AFAP1: variants seen among roughly 807,000 people sequenced by gnomAD.
AFAP1 encodes the protein actin filament-associated protein 1.
Under a neutral mutation model 93.9 loss-of-function variants are expected in AFAP1, and 75 were observed. The observed-to-expected ratio is 0.80, with a 90% CI of 0.66 to 0.97. AFAP1 has a LOEUF of 0.97. AFAP1 is among the 50% of genes least tolerant of loss of function. The pLI is 0.00. For synonymous variants in AFAP1, 517 were observed against 430.7 expected (o/e 1.20, Z -2.48); for missense variants, 1,201 against 1,050.8 (o/e 1.14, Z -1.98).
At chr4:7,882,007 G>A (rs1042541000) in intron 1 of AFAP1, among the ~76,000 whole-genome samples, 3 of 152,044 alleles carry the variant, frequency 2.0e-5, no homozygotes, top group Non-Finnish European at 4.4e-5. Context: ...AACTACAACC[G>A]TCATTATTAG....
At chr4:7,886,209 G>A (rs2149201771) in intron 1 of AFAP1, among the ~76,000 whole-genome samples, 1 of 152,290 alleles carries the variant, frequency 6.6e-6, no homozygotes, top group South Asian at 2.1e-4. Flanking sequence ...TTGATTCCCA[G>A]TTCCGTAATG....
chr4:7,843,001 G>A (rs1019518285), intron 5 of AFAP1, 138 bp downstream of exon 5: 122 of 927,554 alleles, frequency 1.3e-4, no homozygotes, highest in East Asian at 1.8e-4. Context: ...ATGGTACTGC[G>A]GCTAGCTCAG....
chr4:7,881,982 C>T lies in AFAP1; in HGVS notation c.-2-9902G>A, dbSNP rs373408180. On this transcript the variant is annotated intron_variant, in intron 1 of 17. Coordinates refer to ENST00000420658, the MANE Select transcript of AFAP1 (RefSeq NM_001134647.2). ...GAGCTAACACACATGCACAGCCAAG[C>T]ATTTCATCAGTGGTAACTACAACCG... is the stretch of plus-strand genomic sequence containing the variant. Among the ~76,000 whole-genome samples the T allele has an allele frequency of 9.9e-5, 15 of 152,248 alleles. No individual in the cohort carries two copies. In the South Asian group the frequency reaches 2.9e-3, roughly 29 times the overall value.
intron 1 of AFAP1, among the ~76,000 whole-genome samples, chr4:7,926,779 C>G (rs1429105016): frequency 1.3e-5 from 2 of 152,150 alleles, no homozygotes; most frequent in Admixed American, 6.5e-5. Context: ...CTGTGTCGCC[C>G]AAGCTGGAGT....
chr4:7,867,380 T>A (rs1174442164), intron 3 of AFAP1, among the ~76,000 whole-genome samples: 2 of 152,168 alleles, frequency 1.3e-5, no homozygotes, highest in Non-Finnish European at 2.9e-5. Context: ...CCAAATCATA[T>A]GAGGAGCCTG....
At chr4:7,928,641 C>T (rs1364248663) in intron 1 of AFAP1, among the ~76,000 whole-genome samples, 1 of 152,216 alleles carries the variant, frequency 6.6e-6, no homozygotes, top group African/African-American at 2.4e-5. Context: ...CCACCTTGGC[C>T]TCCCAAAGTG....
intron 3 of AFAP1, among the ~76,000 whole-genome samples, chr4:7,864,547 C>T (rs1716195364): frequency 6.6e-6 from 1 of 152,178 alleles, no homozygotes; most frequent in Non-Finnish European, 1.5e-5. Context: ...CTCCTTGACT[C>T]ATGGAGTTGA....
chr4:7,870,848 C>A (rs1716959189), intron 2 of AFAP1, among the ~76,000 whole-genome samples: 1 of 152,148 alleles, frequency 6.6e-6, no homozygotes, highest in Non-Finnish European at 1.5e-5. Flanking sequence ...CTAATCGTGT[C>A]ATACATGGCT....
At chr4:7,810,469 T>C (rs1347722442) in intron 8 of AFAP1, among the ~76,000 whole-genome samples, 4 of 152,144 alleles carry the variant, frequency 2.6e-5, no homozygotes, top group Admixed American at 6.6e-5. Flanking sequence ...AGGCAGCTAG[T>C]GCAGCTCTGG....
At chr4:7,871,679 C>T (rs529955005) in intron 2 of AFAP1, among the ~76,000 whole-genome samples, 5 of 152,148 alleles carry the variant, frequency 3.3e-5, no homozygotes, top group Admixed American at 6.5e-5. Context: ...TGCCAAGTCC[C>T]GTGAGTCCTT....
At chr4:7,845,943 G>C (rs940129354) in intron 4 of AFAP1, among the ~76,000 whole-genome samples, 1 of 152,186 alleles carries the variant, frequency 6.6e-6, no homozygotes, top group Non-Finnish European at 1.5e-5. Flanking sequence ...AGCCGGGCAC[G>C]AGGGGGCAGC....
intron 1 of AFAP1, among the ~76,000 whole-genome samples, chr4:7,878,477 C>G (rs1223153738): frequency 6.6e-6 from 1 of 152,220 alleles, no homozygotes. Context: ...ATCCTTCTAT[C>G]AGGAGGAGGA....
chr4:7,814,988 G>A (rs966196237), intron 8 of AFAP1, among the ~76,000 whole-genome samples: 2 of 152,226 alleles, frequency 1.3e-5, no homozygotes, highest in Admixed American at 6.5e-5. Context: ...ACACTAGCCC[G>A]AAGGTGGGAA....
intron 15 of AFAP1, 117 bp downstream of exon 15, chr4:7,774,622 T>A: frequency 7.1e-7 from 1 of 1,403,354 alleles, no homozygotes; most frequent in Non-Finnish European, 9.5e-7. Flanking sequence ...GATAACCCAC[T>A]CTTACTAAAT....
chr4:7,849,006 G>A (rs1277406197), intron 4 of AFAP1, among the ~76,000 whole-genome samples: 1 of 152,176 alleles, frequency 6.6e-6, no homozygotes, highest in Non-Finnish European at 1.5e-5. Context: ...AGGGCGTCAC[G>A]ACTTTCCAAG....
intron 1 of AFAP1, among the ~76,000 whole-genome samples, chr4:7,893,449 C>T (rs539742543): frequency 1.1e-4 from 17 of 151,972 alleles, no homozygotes; most frequent in East Asian, 5.8e-4. Context: ...GGCGTGGTGG[C>T]GGGCGCCTGT....
At chr4:7,828,666 A>G (rs186069241) in intron 6 of AFAP1, among the ~76,000 whole-genome samples, 393 of 152,362 alleles carry the variant, frequency 2.6e-3, no homozygotes, top group Non-Finnish European at 4.4e-3. Context: ...GCTTTCTGCC[A>G]TTGTGAACAC....
chr4:7,785,158 C>G (rs1394792376), intron 12 of AFAP1, among the ~76,000 whole-genome samples: 1 of 152,148 alleles, frequency 6.6e-6, no homozygotes. Flanking sequence ...GGCACCGTGC[C>G]TGGATCAGGC....
chr4:7,866,251 C>G (rs1716387537), intron 3 of AFAP1, among the ~76,000 whole-genome samples: 1 of 151,646 alleles, frequency 6.6e-6, no homozygotes, highest in Admixed American at 6.6e-5. Flanking sequence ...GGCTGTAGTG[C>G]AGTGGCGCAA....
Sources: allele counts gnomAD v4.1 joint callset (sites outside exome capture counted in the v4.1 genomes callset), GRCh38; gene constraint gnomAD v4.1.1; transcripts MANE v1.5; gene names NCBI Gene and HGNC (gene_info 2026-07-23, HGNC 2026-07-21).